Variants in KCNJ3 observed in about 807,000 individuals in gnomAD.
The protein encoded by KCNJ3 is potassium inwardly rectifying channel subfamily J member 3.
Under a neutral mutation model 39.2 loss-of-function variants are expected in KCNJ3, and 4 were observed. The observed-to-expected ratio is 0.10, with a 90% CI of 0.05 to 0.23. The LOEUF is 0.23. Ranked by LOEUF, KCNJ3 falls within the 10% of genes least tolerant of loss-of-function variation. KCNJ3 has a pLI of 1.00. For missense variants in KCNJ3, 276 were observed against 634.9 expected (o/e 0.43, Z 6.08); for synonymous variants, 230 against 237.4 (o/e 0.97, Z 0.29).
intron 1 of KCNJ3, among the ~76,000 whole-genome samples, chr2:154,706,861 G>A (rs568489684): frequency 1.1e-4 from 16 of 152,142 alleles, no homozygotes; most frequent in African/African-American, 3.6e-4. Flanking sequence ...AGTATTCCAG[G>A]CACCTGCCAC....
In KCNJ3 at chr2:154,709,690, C is replaced by G; in HGVS notation, c.790C>G (p.Leu264Val). The G allele has an allele frequency of 6.2e-7, 1 of 1,613,878 alleles. No homozygotes were observed. Among genetic ancestry groups the G allele is most frequent in the Non-Finnish European group, 8.5e-7 (1 of 1,179,876 alleles). ...GFSTGADQLF[L>V]VSPLTICHVI... ...TAGTACAGGGGCAGATCAACTTTTT[C>G]TTGTGTCCCCCCTCACAATTTGCCA... is the stretch of plus-strand genomic sequence containing the variant. The change falls in exon 2 of 3, where the codon CTT (leucine) becomes GTT (valine). Residue 264 changes from leucine to valine, a missense_variant. Physicochemically the swap from Leu to Val is conservative, Grantham distance 32. Coordinates refer to ENST00000295101, the MANE Select transcript of KCNJ3 (RefSeq NM_002239.4).
intron 2 of KCNJ3, among the ~76,000 whole-genome samples, chr2:154,823,847 T>G (rs1687223441): frequency 6.6e-6 from 1 of 152,144 alleles, no homozygotes; most frequent in Non-Finnish European, 1.5e-5. Context: ...GGGGTTTGTG[T>G]CATTTATTCG....
chr2:154,711,641 T>A (rs191212546), intron 2 of KCNJ3, among the ~76,000 whole-genome samples: 1 of 152,136 alleles, frequency 6.6e-6, no homozygotes. Flanking sequence ...CTTGAAAAAT[T>A]AGGCCGGGTA....
In KCNJ3 at chr2:154,838,416, G is replaced by A. The variant is rs554645517; in HGVS notation, c.920-16311G>A. Among the ~76,000 whole-genome samples the A allele has an allele frequency of 3.9e-5, 6 of 152,310 alleles. No individual in the cohort carries two copies. In the South Asian group the frequency reaches 1.2e-3, roughly 32 times the overall value. ...TCTCTCGTCCTGTGATTCTGGACAA[G>A]TGACTTTACCTCCCTGTACCTCAGT... On this transcript the variant is annotated intron_variant, in intron 2 of 2. Coordinates refer to ENST00000295101, the MANE Select transcript of KCNJ3 (RefSeq NM_002239.4).
rs1209412211 is a variant in KCNJ3 at position 154,858,284 on chromosome 2, G to A, written c.*2971G>A. ...TGTCTTGGTTTGGATGATATATGGTGAAGTTTTTGTTGAAACTAAATTATG... is the reference window on the plus strand; with the variant it reads ...TGTCTTGGTTTGGATGATATATGGTAAAGTTTTTGTTGAAACTAAATTATG... On this transcript the variant is annotated 3_prime_UTR_variant, in exon 3 of 3. Transcript: ENST00000295101. The A allele has an allele frequency of 2.6e-5, 4 of 152,158 alleles. No individual in the cohort carries two copies. The highest frequency in any genetic ancestry group is 4.4e-5 in the Non-Finnish European group (3 of 68,022). The allele number at this position is 152,158 out of a possible 1,614,324, so 9.4% of individuals were successfully genotyped here. A position where few individuals can be genotyped will look rare whatever the true frequency, so the allele number is the denominator to read the frequency against.
At chr2:154,820,711 A>G (rs1167666440) in intron 2 of KCNJ3, among the ~76,000 whole-genome samples, 1 of 152,192 alleles carries the variant, frequency 6.6e-6, no homozygotes, top group Non-Finnish European at 1.5e-5. Context: ...GTTTATTCAC[A>G]GTATCCATTG....
At chr2:154,758,468 A>G (rs116742939) in intron 2 of KCNJ3, among the ~76,000 whole-genome samples, 1,531 of 152,278 alleles carry the variant, frequency 0.01, 18 homozygotes, top group African/African-American at 0.035. Flanking sequence ...TATACTTTAA[A>G]TTCATCTCTA....
At chr2:154,854,481 T>A (rs939430111) in intron 2 of KCNJ3, among the ~76,000 whole-genome samples, 3 of 152,192 alleles carry the variant, frequency 2.0e-5, no homozygotes, top group Admixed American at 2.0e-4. Context: ...GTGGTTAATA[T>A]TTAGGTAATG....
intron 2 of KCNJ3, among the ~76,000 whole-genome samples, chr2:154,770,266 T>C (rs1266074972): frequency 6.6e-6 from 1 of 152,156 alleles, no homozygotes; most frequent in Non-Finnish European, 1.5e-5. Context: ...AAATCCCAGA[T>C]ATTGTACACT....
At chr2:154,807,427 A>G (rs980424187) in intron 2 of KCNJ3, among the ~76,000 whole-genome samples, 18 of 152,218 alleles carry the variant, frequency 1.2e-4, no homozygotes, top group African/African-American at 3.6e-4. Context: ...ACACAGGTTG[A>G]CAATGCCTCT....
chr2:154,820,709 A>T (rs1442424475), intron 2 of KCNJ3, among the ~76,000 whole-genome samples: 2 of 152,188 alleles, frequency 1.3e-5, no homozygotes, highest in Non-Finnish European at 1.5e-5. Flanking sequence ...AGGTTTATTC[A>T]CAGTATCCAT....
intron 1 of KCNJ3, among the ~76,000 whole-genome samples, chr2:154,702,641 T>C (rs1470090903): frequency 3.3e-5 from 5 of 151,948 alleles, no homozygotes; most frequent in African/African-American, 1.2e-4. Flanking sequence ...TATCTTTCAG[T>C]AGTCAAATAT....
At chr2:154,732,347 G>C (rs1369483578) in intron 2 of KCNJ3, among the ~76,000 whole-genome samples, 1 of 151,924 alleles carries the variant, frequency 6.6e-6, no homozygotes, top group Non-Finnish European at 1.5e-5. Flanking sequence ...TTTTTCACTT[G>C]TTATTTACTT....
intron 2 of KCNJ3, among the ~76,000 whole-genome samples, chr2:154,837,657 T>C (rs562459960): frequency 7.2e-5 from 11 of 152,306 alleles, no homozygotes; most frequent in Admixed American, 2.6e-4. Flanking sequence ...AATCATCTCA[T>C]ACCTGGCACA....
At chr2:154,730,555 T>C (rs1685432422) in intron 2 of KCNJ3, among the ~76,000 whole-genome samples, 1 of 152,174 alleles carries the variant, frequency 6.6e-6, no homozygotes, top group Non-Finnish European at 1.5e-5. Flanking sequence ...ATTAAAATTA[T>C]TAGGTTTAGT....
chr2:154,705,195 G>A (rs907965464), intron 1 of KCNJ3, among the ~76,000 whole-genome samples: 2 of 152,166 alleles, frequency 1.3e-5, no homozygotes, highest in African/African-American at 4.8e-5. Flanking sequence ...AGAGAGAGAG[G>A]TAGCTAAGAT....
intron 1 of KCNJ3, chr2:154,709,205 G>GA: frequency 4.9e-6 from 1 of 202,406 alleles, no homozygotes; most frequent in Admixed American, 5.3e-5. Context: ...CACTCCATAA[G>GA]AATTGCCTAC....
At chr2:154,798,449 CTG>C (rs1417965447) in intron 2 of KCNJ3, among the ~76,000 whole-genome samples, 3 of 152,068 alleles carry the variant, frequency 2.0e-5, no homozygotes, top group Non-Finnish European at 4.4e-5. Flanking sequence ...GGAAGACAAA[CTG>C]TGCAAGAACA....
chr2:154,848,343 C>G (rs542347281), intron 2 of KCNJ3, among the ~76,000 whole-genome samples: 6 of 152,022 alleles, frequency 3.9e-5, no homozygotes, highest in Non-Finnish European at 7.4e-5. Context: ...TACAGTTTTG[C>G]TGTGATGAGA....
Sources: gnomAD v4.1 joint callset for allele counts (sites outside exome capture counted in the v4.1 genomes callset) on GRCh38, gnomAD v4.1.1 for gene constraint, MANE v1.5 for transcripts, NCBI Gene and HGNC (gene_info 2026-07-23, HGNC 2026-07-21) for gene names.